KCNMB2: variants seen among roughly 807,000 people sequenced by gnomAD.
KCNMB2 encodes potassium calcium-activated channel subfamily M regulatory beta subunit 2.
Under a neutral mutation model 24.5 loss-of-function variants are expected in KCNMB2, and 9 were observed. The observed-to-expected ratio is 0.37, with a 90% CI of 0.22 to 0.64. The LOEUF (loss-of-function observed/expected upper bound fraction) is 0.64. Among genes scored for constraint, KCNMB2 ranks in the 30% least tolerant of loss-of-function variants. The pLI, the probability that KCNMB2 is intolerant of heterozygous loss-of-function variation, is 0.63. For synonymous variants in KCNMB2, 109 were observed against 104.4 expected (o/e 1.04, Z -0.27); for missense variants, 226 against 284.3 (o/e 0.79, Z 1.47).
intron 1 of KCNMB2, among the ~76,000 whole-genome samples, chr3:178,744,668 C>CGT (rs1333466776): frequency 6.6e-6 from 1 of 151,846 alleles, no homozygotes; most frequent in Non-Finnish European, 1.5e-5. Flanking sequence ...GAGCCTTCTC[C>CGT]TGAAACGGGA....
At chr3:178,689,297 A>C (rs529059773) in intron 1 of KCNMB2, among the ~76,000 whole-genome samples, 1 of 152,182 alleles carries the variant, frequency 6.6e-6, no homozygotes, top group Non-Finnish European at 1.5e-5. Context: ...TGTACTGTTA[A>C]AAAGGGTGTT....
At chr3:178,716,370 CTG>C (rs1468686127) in intron 1 of KCNMB2, among the ~76,000 whole-genome samples, 2 of 151,922 alleles carry the variant, frequency 1.3e-5, no homozygotes, top group Non-Finnish European at 2.9e-5. Context: ...TGAGAGAAAA[CTG>C]AGTCTCAGAA....
chr3:178,747,632 C>T (rs1723713373), intron 1 of KCNMB2, among the ~76,000 whole-genome samples: 1 of 152,148 alleles, frequency 6.6e-6, no homozygotes. Flanking sequence ...CATTTCACTC[C>T]AAAACCTATG....
chr3:178,547,715 G>C (rs1379241767), intron 1 of KCNMB2, among the ~76,000 whole-genome samples: 1 of 151,870 alleles, frequency 6.6e-6, no homozygotes, highest in East Asian at 1.9e-4. Context: ...TTACACTTTA[G>C]AGCTTTTTTC....
At chr3:178,615,993 C>T (rs927877364) in intron 1 of KCNMB2, among the ~76,000 whole-genome samples, 7 of 152,118 alleles carry the variant, frequency 4.6e-5, no homozygotes, top group Admixed American at 6.5e-5. Context: ...GGGAACTTCA[C>T]GACTCTGACT....
intron 1 of KCNMB2, among the ~76,000 whole-genome samples, chr3:178,714,618 G>T (rs1479866457): frequency 1.3e-5 from 2 of 152,232 alleles, no homozygotes; most frequent in African/African-American, 4.8e-5. Flanking sequence ...AATGAGCCCA[G>T]TTTGGAAAGA....
intron 1 of KCNMB2, among the ~76,000 whole-genome samples, chr3:178,716,536 G>A (rs1196691012): frequency 6.7e-6 from 1 of 149,542 alleles, no homozygotes; most frequent in East Asian, 2.0e-4. Flanking sequence ...TTCCACCTCC[G>A]AGGTTCAAGC....
chr3:178,783,224 A>C (rs892740426), intron 1 of KCNMB2, among the ~76,000 whole-genome samples: 349 of 152,154 alleles, frequency 2.3e-3, no homozygotes, highest in Non-Finnish European at 4.2e-3. Flanking sequence ...GTCAGGTAGC[A>C]TGATGCCTCC....
intron 1 of KCNMB2, among the ~76,000 whole-genome samples, chr3:178,757,419 T>TAC (rs1724133869): frequency 1.5e-5 from 1 of 64,906 alleles, no homozygotes; most frequent in Non-Finnish European, 2.7e-5. Flanking sequence ...AGGATATATA[T>TAC]ATATGTATAT....
intron 4 of KCNMB2, among the ~76,000 whole-genome samples, chr3:178,841,281 AT>A (rs1400127699): frequency 6.6e-6 from 1 of 152,158 alleles, no homozygotes; most frequent in African/African-American, 2.4e-5. Flanking sequence ...TATCACTATC[AT>A]CATTTTGCTC....
chr3:178,556,280 G>A (rs1560107620), intron 1 of KCNMB2, among the ~76,000 whole-genome samples: 13 of 152,214 alleles, frequency 8.5e-5, no homozygotes, highest in Non-Finnish European at 1.5e-5. Context: ...TTTCATGGAT[G>A]TGGTCATTTA....
rs143692190 is a variant in KCNMB2, at chr3:178,600,812, C to A, written c.-68+64101C>A. ...TGATTTATAACCCTTTGGGTATATACCCAGTAATGAGATTGCTGGGTCAAA... is the reference window on the plus strand; with the variant it reads ...TGATTTATAACCCTTTGGGTATATAACCAGTAATGAGATTGCTGGGTCAAA... On this transcript the variant is annotated intron_variant, in intron 1 of 4. Transcript: ENST00000452583. Among the ~76,000 whole-genome samples, 9 of 152,270 alleles carry A rather than the reference C, an allele frequency of 5.9e-5. No individual in the cohort carries two copies. In the East Asian group the frequency reaches 1.5e-3, roughly 26 times the overall value.
intron 1 of KCNMB2, among the ~76,000 whole-genome samples, chr3:178,691,906 C>T (rs115077730): frequency 1.8e-4 from 27 of 152,280 alleles, no homozygotes; most frequent in Non-Finnish European, 3.1e-4. Flanking sequence ...CACAACCTCA[C>T]CAGCACCTGT....
intron 1 of KCNMB2, among the ~76,000 whole-genome samples, chr3:178,660,151 T>A (rs1720474994): frequency 6.6e-6 from 1 of 152,174 alleles, no homozygotes. Context: ...ACTTATTACT[T>A]GATTGCCCTT....
intron 1 of KCNMB2, among the ~76,000 whole-genome samples, chr3:178,627,955 C>A (rs938922808): frequency 6.6e-6 from 1 of 152,086 alleles, no homozygotes; most frequent in Non-Finnish European, 1.5e-5. Context: ...TGTAATTGTG[C>A]GGAACTGACT....
chr3:178,591,349 C>T (rs905560150), intron 1 of KCNMB2, among the ~76,000 whole-genome samples: 4 of 152,182 alleles, frequency 2.6e-5, no homozygotes, highest in Non-Finnish European at 5.9e-5. Context: ...AGGTTTTCAT[C>T]GCTTTTCCCT....
intron 1 of KCNMB2, among the ~76,000 whole-genome samples, chr3:178,570,378 G>T (rs9816839): frequency 6.6e-6 from 1 of 151,932 alleles, no homozygotes; most frequent in Admixed American, 6.6e-5. Flanking sequence ...GAAATTAGGA[G>T]GTCATTAGAC....
At chr3:178,582,246 G>A (rs958128944) in intron 1 of KCNMB2, among the ~76,000 whole-genome samples, 19 of 152,132 alleles carry the variant, frequency 1.2e-4, no homozygotes, top group Admixed American at 9.8e-4. Context: ...ATCACTCTCA[G>A]CAAACTAACA....
intron 1 of KCNMB2, among the ~76,000 whole-genome samples, chr3:178,579,484 T>C (rs1275825280): frequency 6.6e-6 from 1 of 151,392 alleles, no homozygotes; most frequent in African/African-American, 2.4e-5. Context: ...GCAAACAAAT[T>C]CAAAAGCTAG....
Sources: allele counts gnomAD v4.1 joint callset (sites outside exome capture counted in the v4.1 genomes callset), GRCh38; gene constraint gnomAD v4.1.1; transcripts MANE v1.5; gene names NCBI Gene and HGNC (gene_info 2026-07-23, HGNC 2026-07-21).